The following NLRP8 variants were observed in gnomAD, a reference collection of about 807,000 sequenced individuals.
NLRP8 encodes the protein NLR family pyrin domain containing 8.
A neutral mutation model predicts 88.7 loss-of-function variants in NLRP8; 86 were observed. The observed-to-expected ratio is 0.97, with a 90% CI of 0.81 to 1.16. The LOEUF (loss-of-function observed/expected upper bound fraction) is 1.16. NLRP8 is among the 50% of genes most tolerant of loss of function. NLRP8 has a pLI of 0.00. For missense variants in NLRP8, 1,342 were observed against 1,286.5 expected, an observed-to-expected ratio of 1.04 and a Z score of -0.66; for synonymous variants, 504 against 494.6, an observed-to-expected ratio of 1.02 and a Z score of -0.25.
At position 55,954,592 on chromosome 19, in the gene NLRP8, C is replaced by G; in HGVS notation, c.534C>G (p.Phe178Leu). ...GGCCTGGAAACCAGAGGGACTTCTT[C>G]TACCAAGGTGTACACAGGCACGAGG... The change falls in exon 3 of 10, where the codon TTC (phenylalanine) becomes TTG (leucine). Residue 178 changes from phenylalanine (F) to leucine (L), a missense_variant. Phe to Leu is a conservative substitution (Grantham distance 22, BLOSUM62 0). Coordinates refer to ENST00000291971, the MANE Select transcript of NLRP8 (RefSeq NM_176811.2). The G allele has an allele frequency of 6.2e-7, 1 of 1,614,206 alleles. No individual in the cohort carries two copies. The highest frequency in any genetic ancestry group is 8.5e-7 in the Non-Finnish European group (1 of 1,180,034).
At chr19:55,970,493 G>A in intron 5 of NLRP8, 51 bp from the exon 6 acceptor site, 1 of 1,599,758 alleles carries the variant, frequency 6.3e-7, no homozygotes, top group Non-Finnish European at 8.5e-7. Context: ...GGTCCTACAG[G>A]TACCATTTTC....
chr19:55,978,203 A>T (rs114201811), intron 8 of NLRP8, among the ~76,000 whole-genome samples: 2,286 of 151,996 alleles, frequency 0.015, 54 homozygotes, highest in African/African-American at 0.05. Flanking sequence ...AATTTTTTTT[A>T]AATTTTTTTA....
Position 55,954,626 on chromosome 19 carries a change from C to G in NLRP8, c.568C>G (p.Pro190Ala). 6.2e-7 allele frequency: 1 copy of G among 1,614,120 alleles called. No individual in the cohort carries two copies. The highest frequency in any genetic ancestry group is 1.3e-5 in the African/African-American group (1 of 75,038). The change falls in exon 3 of 10, where the codon CCA becomes GCA. Residue 190 changes from proline (P) to alanine (A), a missense_variant. Pro to Ala is a conservative substitution (Grantham distance 27). Transcript: ENST00000291971. ...TGTACACAGGCACGAGGAGTACTTA[C>G]CATGTCTGCTTCTGCCCAAAAGACC...
intron 4 of NLRP8, among the ~76,000 whole-genome samples, chr19:55,962,885 T>A (rs1424433985): frequency 2.6e-5 from 4 of 152,134 alleles, no homozygotes; most frequent in Non-Finnish European, 5.9e-5. Context: ...TGAAGTGGAA[T>A]CAGCACACTG....
At chr19:55,968,706 C>T (rs1490428718) in intron 5 of NLRP8, among the ~76,000 whole-genome samples, 3 of 152,174 alleles carry the variant, frequency 2.0e-5, no homozygotes, top group African/African-American at 7.2e-5. Context: ...TACCATTGCA[C>T]TCCAGCCTGG....
chr19:55,972,462 A>G (rs948965594), intron 6 of NLRP8, among the ~76,000 whole-genome samples: 6 of 151,616 alleles, frequency 4.0e-5, no homozygotes, highest in Non-Finnish European at 5.9e-5. Flanking sequence ...TTTTGGGGAA[A>G]CAGGTGGTGT....
At chr19:55,966,892 C>T (rs548358836) in intron 5 of NLRP8, among the ~76,000 whole-genome samples, 2 of 152,232 alleles carry the variant, frequency 1.3e-5, no homozygotes, top group East Asian at 3.9e-4. Flanking sequence ...GCCCCAGCTC[C>T]TACTGGATTG....
intron 5 of NLRP8, among the ~76,000 whole-genome samples, chr19:55,969,542 T>C (rs1401804227): frequency 6.6e-6 from 1 of 152,200 alleles, no homozygotes; most frequent in Non-Finnish European, 1.5e-5. Context: ...ATCTTTGCAA[T>C]TGTGAATTGT....
In NLRP8 at chr19:55,982,092, C is replaced by T. The variant is rs143448173; in HGVS notation, c.3047+2528C>T. Among the ~76,000 whole-genome samples, 1,521 of 152,174 alleles carry T rather than the reference C, an allele frequency of 1.0e-2. 8 individuals carry two copies. The highest frequency in any genetic ancestry group is 0.027 in the Middle Eastern group (8 of 292). On this transcript the variant is annotated intron_variant, in intron 9 of 9. Transcript: ENST00000291971. ...AATTTTTTTGTATTTTTAGCAGAGA[C>T]AGGGTTTCACCACGTTGGCCAGGAT...
chr19:55,970,721 G>A lies in NLRP8; in HGVS notation c.2534+25G>A, dbSNP rs200538179. 1.3e-5 allele frequency: 21 copies of A among 1,610,112 alleles called. No homozygotes were observed. The East Asian group carries it at 4.7e-4, about 36-fold the overall frequency. On this transcript the variant is annotated intron_variant, in intron 6 of 9. Transcript: ENST00000291971. ...CGTAAGTCTCCTTTCTAGTGGCTGT[G>A]GTTGTGGTTGTGGTTGTGGTGGTTG...
chr19:55,961,673 G>A (rs1033458850), intron 3 of NLRP8, among the ~76,000 whole-genome samples: 3 of 152,110 alleles, frequency 2.0e-5, no homozygotes, highest in Non-Finnish European at 4.4e-5. Flanking sequence ...GTGGTGGCGT[G>A]TGCCTGTAAC....
chr19:55,953,265 T>G (rs1390069992), intron 2 of NLRP8, among the ~76,000 whole-genome samples: 1 of 152,114 alleles, frequency 6.6e-6, no homozygotes, highest in Non-Finnish European at 1.5e-5. Flanking sequence ...GATGGGACCA[T>G]CGAGTTGCGG....
chr19:55,986,042 A>T (rs557399093), intron 9 of NLRP8, among the ~76,000 whole-genome samples: 7 of 152,242 alleles, frequency 4.6e-5, no homozygotes, highest in African/African-American at 1.7e-4. Context: ...TCAAAAGTAT[A>T]AACTTCTGTT....
At chr19:55,959,614 C>G (rs186147954) in intron 3 of NLRP8, among the ~76,000 whole-genome samples, 1 of 152,152 alleles carries the variant, frequency 6.6e-6, no homozygotes, top group Non-Finnish European at 1.5e-5. Flanking sequence ...TTGGGTATGT[C>G]CCTGAACCAA....
At chr19:55,957,671 AATTATATATATATATAT>A (rs1409767765) in intron 3 of NLRP8, among the ~76,000 whole-genome samples, 18 of 55,362 alleles carry the variant, frequency 3.3e-4, no homozygotes, top group African/African-American at 1.6e-3. Context: ...AAAAAATAAT[AATTATATATATATATAT>A]ATATATATAT....
chr19:55,957,789 T>C (rs1471495178), intron 3 of NLRP8, among the ~76,000 whole-genome samples: 1 of 148,496 alleles, frequency 6.7e-6, no homozygotes, highest in Non-Finnish European at 1.5e-5. Context: ...CTTCATTTAG[T>C]GCTCAGTAGA....
chr19:55,957,670 TAATTATATATATATA>T (rs1475261722), intron 3 of NLRP8, among the ~76,000 whole-genome samples: 13 of 51,862 alleles, frequency 2.5e-4, no homozygotes, highest in African/African-American at 9.8e-4. Context: ...GAAAAAATAA[TAATTATATATATATA>T]TATATATATA....
chr19:55,983,887 C>T (rs1339195812), intron 9 of NLRP8, among the ~76,000 whole-genome samples: 1 of 149,094 alleles, frequency 6.7e-6, no homozygotes, highest in Non-Finnish European at 1.5e-5. Flanking sequence ...AAACACTTGG[C>T]AAACTTGGAA....
In NLRP8 at chr19:55,952,526, T is replaced by A; in HGVS notation, c.368-12T>A. On this transcript the variant is annotated splice_polypyrimidine_tract_variant and intron_variant, in intron 1 of 9. Transcript: ENST00000291971. ...TCATTCCCGTGGAACAGCCTCCTTT[T>A]TTCTGTTACAGCCATTCTGCCTACC... 6.2e-7 allele frequency: 1 copy of A among 1,612,354 alleles called. No homozygotes were observed. The highest frequency in any genetic ancestry group is 8.5e-7 in the Non-Finnish European group (1 of 1,178,486).
Sources: gnomAD v4.1 joint callset for allele counts (sites outside exome capture counted in the v4.1 genomes callset) on GRCh38, gnomAD v4.1.1 for gene constraint, MANE v1.5 for transcripts, NCBI Gene and HGNC (gene_info 2026-07-23, HGNC 2026-07-21) for gene names.